TRIP12: variants seen among roughly 807,000 people sequenced by gnomAD.
TRIP12 encodes thyroid hormone receptor interactor 12.
In TRIP12, 25 loss-of-function variants were observed where a neutral mutation model predicts 244.2. That is an observed-to-expected ratio of 0.10 (90% CI 0.07 to 0.14). The LOEUF (loss-of-function observed/expected upper bound fraction) is 0.14. Ranked by LOEUF, TRIP12 falls within the 10% of genes least tolerant of loss-of-function variation. TRIP12 has a pLI of 1.00. For missense variants in TRIP12, 1,677 were observed against 2,486.4 expected, an observed-to-expected ratio of 0.67 and a Z score of 6.92; for synonymous variants, 905 against 873.1, an observed-to-expected ratio of 1.04 and a Z score of -0.64.
intron 34 of TRIP12, among the ~76,000 whole-genome samples, chr2:229,785,472 A>T (rs2039732028): frequency 6.6e-6 from 1 of 152,246 alleles, no homozygotes; most frequent in Non-Finnish European, 1.5e-5. Context: ...TTTTTAAAAA[A>T]GGCAATTCAA....
chr2:229,821,751 G>A (rs1403382380), intron 8 of TRIP12, among the ~76,000 whole-genome samples: 2 of 152,152 alleles, frequency 1.3e-5, no homozygotes, highest in South Asian at 2.1e-4. Context: ...GATAGGAATG[G>A]AAACAGAAGC....
At position 229,767,223 on chromosome 2, in the gene TRIP12, A is replaced by G. The variant is rs2032067799; in HGVS notation, c.*331T>C. The G allele has an allele frequency of 4.6e-6, 1 of 215,670 alleles. No individual in the cohort carries two copies. The allele number at this position is 215,670 out of a possible 1,614,324, so 13.4% of individuals were successfully genotyped here. On this transcript the variant is annotated 3_prime_UTR_variant, in exon 42 of 42. Transcript: ENST00000675903. ...CACACAGCCCAGAATTAAACTGCACAGCCACATTTATTGTTCCAGCCTGGA... is the reference window on the plus strand; with the variant it reads ...CACACAGCCCAGAATTAAACTGCACGGCCACATTTATTGTTCCAGCCTGGA...
At position 229,814,241 on chromosome 2, in the gene TRIP12, G is replaced by C. The variant is rs1168673224; in HGVS notation, c.1816C>G (p.Leu606Val). 3.1e-6 allele frequency: 5 copies of C among 1,613,962 alleles called. No individual in the cohort carries two copies. In the African/African-American group the frequency reaches 5.3e-5, roughly 17 times the overall value. The change falls in exon 12 of 42, where the codon CTA becomes GTA. Residue 606 changes from leucine to valine, a missense_variant. Transcript: ENST00000675903. ...TCAGTAACAACACTTACCGCCTGTA[G>C]AATGGCTTTACTATGTCTCCGTGAC... ...MLSRRHSKAI[L>V]QAGGLADCLL... is the part of the protein sequence containing the mutation.
intron 1 of TRIP12, among the ~76,000 whole-genome samples, chr2:229,900,225 G>A (rs988937549): frequency 7.2e-5 from 11 of 152,222 alleles, no homozygotes; most frequent in South Asian, 4.1e-4. Context: ...ACAGAAACCT[G>A]GTAAATTGTT....
At chr2:229,777,612 C>T in intron 36 of TRIP12, 133 bp from the exon 37 acceptor site, 2 of 862,634 alleles carry the variant, frequency 2.3e-6, no homozygotes, top group Non-Finnish European at 3.5e-6. Context: ...TCTGTAGTTA[C>T]AAACTATTTC....
chr2:229,826,857 C>T (rs1432599768), intron 8 of TRIP12, among the ~76,000 whole-genome samples: 1 of 151,962 alleles, frequency 6.6e-6, no homozygotes, highest in East Asian at 1.9e-4. Flanking sequence ...ATGGAGTTTA[C>T]CAGGAATGGA....
chr2:229,900,995 G>C (rs1285368939), intron 1 of TRIP12: 4 of 149,374 alleles, frequency 2.7e-5, no homozygotes, highest in African/African-American at 7.4e-5. Flanking sequence ...GTGCAGCGAC[G>C]CAATATTGGC....
intron 2 of TRIP12, among the ~76,000 whole-genome samples, chr2:229,874,920 A>G (rs2063321284): frequency 6.6e-6 from 1 of 152,188 alleles, no homozygotes; most frequent in Non-Finnish European, 1.5e-5. Context: ...CACTTGAGAA[A>G]AACAAGAAAA....
At chr2:229,805,475 G>A (rs1480403638) in intron 18 of TRIP12, among the ~76,000 whole-genome samples, 4 of 152,136 alleles carry the variant, frequency 2.6e-5, no homozygotes, top group East Asian at 1.9e-4. Context: ...GACAGGATCA[G>A]ATAAAAATCT....
chr2:229,814,146 A>G (rs1028328770), intron 12 of TRIP12, 87 bp downstream of exon 12: 4 of 1,534,810 alleles, frequency 2.6e-6, no homozygotes, highest in Non-Finnish European at 3.6e-6. Flanking sequence ...TATCTTACAA[A>G]AACTGCAATC....
chr2:229,813,569 A>T (rs2047779899), intron 13 of TRIP12, among the ~76,000 whole-genome samples: 1 of 152,166 alleles, frequency 6.6e-6, no homozygotes, highest in Non-Finnish European at 1.5e-5. Flanking sequence ...GGATCACCTG[A>T]GGTCAGGAGT....
chr2:229,870,602 T>C (rs1465978063), intron 2 of TRIP12, among the ~76,000 whole-genome samples: 2 of 152,206 alleles, frequency 1.3e-5, no homozygotes, highest in African/African-American at 4.8e-5. Context: ...AGATAAGGTC[T>C]AGAATACAGA....
chr2:229,834,458 A>G (rs1241509955), intron 6 of TRIP12, among the ~76,000 whole-genome samples: 1 of 152,180 alleles, frequency 6.6e-6, no homozygotes, highest in Non-Finnish European at 1.5e-5. Context: ...GATTATGTCC[A>G]AATCTACGAA....
intron 2 of TRIP12, among the ~76,000 whole-genome samples, chr2:229,864,917 T>C (rs918515052): frequency 2.0e-5 from 3 of 152,334 alleles, no homozygotes; most frequent in South Asian, 2.1e-4. Flanking sequence ...CCTACATTTG[T>C]ACTGCTATTT....
At chr2:229,827,983 T>C (rs545585100) in intron 8 of TRIP12, among the ~76,000 whole-genome samples, 41 of 152,330 alleles carry the variant, frequency 2.7e-4, no homozygotes, top group African/African-American at 8.9e-4. Context: ...AAATCTGTAC[T>C]GTATATTAGC....
intron 25 of TRIP12, among the ~76,000 whole-genome samples, chr2:229,795,664 T>C (rs753948122): frequency 2.6e-5 from 4 of 152,216 alleles, no homozygotes; most frequent in Non-Finnish European, 5.9e-5. Context: ...TGTTATGCTA[T>C]AAAAATATTT....
chr2:229,808,646 A>G (rs1484315037), intron 15 of TRIP12, among the ~76,000 whole-genome samples: 1 of 152,194 alleles, frequency 6.6e-6, no homozygotes, highest in East Asian at 1.9e-4. Flanking sequence ...GACTTCAGGA[A>G]CCCTTTATTT....
intron 1 of TRIP12, among the ~76,000 whole-genome samples, chr2:229,895,357 C>A (rs1436529158): frequency 6.6e-6 from 1 of 150,966 alleles, no homozygotes. Context: ...GTGAGAAATT[C>A]ATATATAAGT....
intron 40 of TRIP12, 87 bp downstream of exon 40, chr2:229,769,144 T>TACACATGTGCGCATGTGTGTGTACAC: frequency 8.8e-7 from 1 of 1,132,970 alleles, no homozygotes; most frequent in Non-Finnish European, 1.3e-6. Context: ...TTTTGTTGTT[T>TACACATGTGCGCATGTGTGTGTACAC]ACACATGTGC....
Sources: allele counts gnomAD v4.1 joint callset (sites outside exome capture counted in the v4.1 genomes callset), GRCh38; gene constraint gnomAD v4.1.1; transcripts MANE v1.5; gene names NCBI Gene and HGNC (gene_info 2026-07-23, HGNC 2026-07-21).